GRIP1: variants seen among roughly 807,000 people sequenced by gnomAD.
GRIP1 encodes glutamate receptor interacting protein 1.
In GRIP1, 45 loss-of-function variants were observed where a neutral mutation model predicts 129.9. That is an observed-to-expected ratio of 0.35 (90% CI 0.27 to 0.44). The LOEUF (loss-of-function observed/expected upper bound fraction) is 0.44, where lower values mean the gene tolerates loss of function less well. Ranked by LOEUF, GRIP1 falls within the 20% of genes least tolerant of loss-of-function variation. The probability of loss-of-function intolerance (pLI) is 1.00; values close to 1 mark genes in which losing one functional copy is unlikely to be tolerated. For synonymous variants in GRIP1, 530 were observed against 520.8 expected, an observed-to-expected ratio of 1.02 and a Z score of -0.24; for missense variants, 1,196 against 1,396.8, an observed-to-expected ratio of 0.86 and a Z score of 2.29.
chr12:66,844,051 G>A (rs922140820), intron 1 of GRIP1, among the ~76,000 whole-genome samples: 16 of 152,102 alleles, frequency 1.1e-4, no homozygotes, highest in African/African-American at 2.9e-4. Context: ...TGTAAATCAT[G>A]TATCTAATAA....
intron 1 of GRIP1, among the ~76,000 whole-genome samples, chr12:66,739,271 A>C (rs868247878): frequency 1.3e-5 from 2 of 152,176 alleles, no homozygotes; most frequent in Non-Finnish European, 2.9e-5. Context: ...CTTATGTCCT[A>C]TAATTTATCT....
intron 1 of GRIP1, among the ~76,000 whole-genome samples, chr12:66,792,462 C>A (rs1278190036): frequency 6.6e-6 from 1 of 152,060 alleles, no homozygotes; most frequent in Non-Finnish European, 1.5e-5. Flanking sequence ...GTAATCACAG[C>A]ACTTTGGGAG....
At chr12:66,474,014 T>C (rs534460210) in intron 7 of GRIP1, among the ~76,000 whole-genome samples, 1 of 152,152 alleles carries the variant, frequency 6.6e-6, no homozygotes, top group African/African-American at 2.4e-5. Flanking sequence ...CTTCAGAAGA[T>C]GGGTAATAAC....
At chr12:66,363,199 C>CTA (rs1565666323) in intron 23 of GRIP1, among the ~76,000 whole-genome samples, 1,138 of 35,316 alleles carry the variant, frequency 0.032, 93 homozygotes, top group Admixed American at 0.21. Flanking sequence ...GTGTGTGTGT[C>CTA]CATATATATA....
chr12:67,007,538 T>C (rs2042644662), intron 1 of GRIP1, among the ~76,000 whole-genome samples: 1 of 152,144 alleles, frequency 6.6e-6, no homozygotes, highest in South Asian at 2.1e-4. Flanking sequence ...AGAAGAGTGA[T>C]GGGCAAATAT....
intron 1 of GRIP1, among the ~76,000 whole-genome samples, chr12:66,858,704 T>G (rs569939391): frequency 6.6e-6 from 1 of 151,986 alleles, no homozygotes. Flanking sequence ...CTATCCTCTT[T>G]GCATTTAAAA....
chr12:66,742,023 A>G (rs1392452993), intron 1 of GRIP1, among the ~76,000 whole-genome samples: 1 of 152,188 alleles, frequency 6.6e-6, no homozygotes, highest in Non-Finnish European at 1.5e-5. Context: ...TAAAGTGTAG[A>G]ATTATACACC....
intron 1 of GRIP1, among the ~76,000 whole-genome samples, chr12:66,641,625 T>C (rs1592689678): frequency 6.6e-6 from 1 of 152,190 alleles, no homozygotes; most frequent in Non-Finnish European, 1.5e-5. Flanking sequence ...GTTACACTAG[T>C]AGAACTAAAA....
intron 1 of GRIP1, among the ~76,000 whole-genome samples, chr12:66,786,357 T>C (rs2038345203): frequency 1.3e-5 from 2 of 152,134 alleles, no homozygotes. Context: ...CACAGAACTT[T>C]GTTGGTGGAC....
intron 1 of GRIP1, among the ~76,000 whole-genome samples, chr12:66,882,164 T>C (rs1361959146): frequency 6.8e-6 from 1 of 146,502 alleles, no homozygotes; most frequent in Non-Finnish European, 1.5e-5. Flanking sequence ...ACTAAACCCT[T>C]GAGCCCTATT....
At chr12:66,555,776 G>A (rs573856211) in intron 2 of GRIP1, among the ~76,000 whole-genome samples, 22 of 152,030 alleles carry the variant, frequency 1.4e-4, no homozygotes, top group East Asian at 3.9e-4. Flanking sequence ...TGCAATTGAC[G>A]TACTAAAGAA....
At chr12:66,947,116 T>C (rs7136625) in intron 1 of GRIP1, among the ~76,000 whole-genome samples, 81,688 of 151,850 alleles carry the variant, frequency 0.54, 23,201 homozygotes, top group African/African-American at 0.73. Flanking sequence ...GCAGGAAGCT[T>C]ATCTCCGCAC....
At chr12:66,474,012 G>A (rs999428089) in intron 7 of GRIP1, among the ~76,000 whole-genome samples, 2 of 152,100 alleles carry the variant, frequency 1.3e-5, no homozygotes, top group African/African-American at 4.8e-5. Flanking sequence ...GGCTTCAGAA[G>A]ATGGGTAATA....
intron 1 of GRIP1, among the ~76,000 whole-genome samples, chr12:66,907,917 A>G (rs540218713): frequency 6.6e-6 from 1 of 152,296 alleles, no homozygotes; most frequent in Non-Finnish European, 1.5e-5. Context: ...GAAGACATGC[A>G]AAGTGACAAG....
At chr12:66,989,949 T>C (rs2042369806) in intron 1 of GRIP1, among the ~76,000 whole-genome samples, 1 of 152,192 alleles carries the variant, frequency 6.6e-6, no homozygotes, top group South Asian at 2.1e-4. Flanking sequence ...ATATTACAAA[T>C]AGACAATTCA....
upstream of GRIP1, among the ~76,000 whole-genome samples, chr12:66,684,099 T>C (rs1160753629): frequency 2.0e-5 from 3 of 152,228 alleles, no homozygotes; most frequent in Non-Finnish European, 4.4e-5. Flanking sequence ...AAACTGAGTT[T>C]ATCTGTGTAA....
intron 1 of GRIP1, among the ~76,000 whole-genome samples, chr12:67,054,575 C>A (rs1284541483): frequency 6.6e-6 from 1 of 151,954 alleles, no homozygotes; most frequent in African/African-American, 2.4e-5. Flanking sequence ...ACTAGCCTGG[C>A]CAAAATGGCA....
chr12:66,564,593 G>C (rs577669251), intron 2 of GRIP1, among the ~76,000 whole-genome samples: 1 of 152,160 alleles, frequency 6.6e-6, no homozygotes, highest in Non-Finnish European at 1.5e-5. Context: ...ACATATGTGT[G>C]CATGTGTCTT....
intron 2 of GRIP1, among the ~76,000 whole-genome samples, chr12:66,588,725 C>G (rs1403036079): frequency 6.6e-6 from 1 of 152,072 alleles, no homozygotes; most frequent in Non-Finnish European, 1.5e-5. Flanking sequence ...AATCCCAGCA[C>G]TTTGGGAGGC....
Sources: gnomAD v4.1 joint callset for allele counts (sites outside exome capture counted in the v4.1 genomes callset) on GRCh38, gnomAD v4.1.1 for gene constraint, MANE v1.5 for transcripts, NCBI Gene and HGNC (gene_info 2026-07-23, HGNC 2026-07-21) for gene names.